Variants in PCYT1B observed in about 807,000 individuals in gnomAD.
PCYT1B encodes phosphate cytidylyltransferase 1B, choline.
In PCYT1B, 10 loss-of-function variants were observed where a neutral mutation model predicts 26.4. The observed-to-expected ratio is 0.38, with a 90% CI of 0.23 to 0.64. PCYT1B has a LOEUF of 0.64. PCYT1B is among the 30% of genes least tolerant of loss of function. The pLI is 0.56. For synonymous variants in PCYT1B, 131 were observed against 108.4 expected, an observed-to-expected ratio of 1.21 and a Z score of -1.29; for missense variants, 161 against 292.7, an observed-to-expected ratio of 0.55 and a Z score of 3.28.
chrX:24,629,705 T>C (rs1926005606), intron 1 of PCYT1B, among the ~76,000 whole-genome samples: 1 of 109,831 alleles, frequency 9.1e-6, no homozygotes, highest in African/African-American at 3.3e-5. Flanking sequence ...TACTGCCCTT[T>C]TGGTGATCAG....
intron 1 of PCYT1B, among the ~76,000 whole-genome samples, chrX:24,669,473 C>T (rs1476651437): frequency 2.1e-5 from 2 of 93,505 alleles, no homozygotes; most frequent in Non-Finnish European, 4.1e-5. Flanking sequence ...GCTCTCCAGC[C>T]TAGGTGACAG....
At chrX:24,648,449 A>ATTTTTTTTTTTTTTTTTTTTTTTTTTT (rs57744798), upstream of PCYT1B, among the ~76,000 whole-genome samples, 17 of 39,723 alleles carry the variant, frequency 4.3e-4, 3 homozygotes, top group African/African-American at 2.4e-3. Context: ...ATTTGAAGGA[A>ATTTTTTTTTTTTTTTTTTTTTTTTTTT]TTTTTTTTTT....
chrX:24,592,772 C>T (rs1414185356), intron 3 of PCYT1B, among the ~76,000 whole-genome samples: 1 of 111,858 alleles, frequency 8.9e-6, no homozygotes, highest in Non-Finnish European at 1.9e-5. Context: ...TGTATCCCAG[C>T]TCCCCGGCCT....
intron 1 of PCYT1B, among the ~76,000 whole-genome samples, chrX:24,661,664 A>C (rs1002586050): frequency 9.0e-6 from 1 of 111,729 alleles, no homozygotes; most frequent in East Asian, 2.8e-4. Flanking sequence ...TATAGAACAA[A>C]CCTTGTTTCT....
At chrX:24,562,720 CTTTT>C (rs1258893963) in intron 7 of PCYT1B, among the ~76,000 whole-genome samples, 1 of 81,026 alleles carries the variant, frequency 1.2e-5, no homozygotes, top group Non-Finnish European at 2.5e-5. Context: ...ACCACTGGTT[CTTTT>C]TTTCTCTTTT....
chrX:24,569,342 CG>C (rs1923744271), intron 7 of PCYT1B, among the ~76,000 whole-genome samples: 1 of 110,031 alleles, frequency 9.1e-6, no homozygotes, highest in Admixed American at 9.7e-5. Context: ...GTGCATTGCT[CG>C]TGGAAATGTA....
intron 1 of PCYT1B, among the ~76,000 whole-genome samples, chrX:24,629,591 C>CAA (rs1330878773): frequency 1.5e-5 from 1 of 67,108 alleles, no homozygotes; most frequent in Non-Finnish European, 2.6e-5. Context: ...AAAAAAAAAA[C>CAA]AACACGTATT....
chrX:24,579,501 A>G (rs368467392), intron 5 of PCYT1B, 43 bp from the exon 6 acceptor site: 96 of 1,140,469 alleles, frequency 8.4e-5, no homozygotes, highest in Non-Finnish European at 1.1e-4. Flanking sequence ...AATTAAGATC[A>G]CCTCAGTTGA....
At chrX:24,623,048 A>G (rs1925746660) in intron 1 of PCYT1B, among the ~76,000 whole-genome samples, 1 of 111,457 alleles carries the variant, frequency 9.0e-6, no homozygotes, top group Non-Finnish European at 1.9e-5. Flanking sequence ...CATGTTTAAT[A>G]TGATGCTAGG....
At chrX:24,633,087 G>A (rs1441332292) in intron 1 of PCYT1B, among the ~76,000 whole-genome samples, 2 of 107,316 alleles carry the variant, frequency 1.9e-5, no homozygotes, top group Non-Finnish European at 3.8e-5. Flanking sequence ...GCACGTGCCT[G>A]TAATCCCAGC....
intron 1 of PCYT1B, among the ~76,000 whole-genome samples, chrX:24,653,580 G>A (rs1926829269): frequency 9.0e-6 from 1 of 111,040 alleles, no homozygotes; most frequent in South Asian, 3.8e-4. Flanking sequence ...CTTGCCACAG[G>A]GCACCCTTTA....
chrX:24,639,389 C>T (rs61760935), intron 1 of PCYT1B, among the ~76,000 whole-genome samples: 1,372 of 112,468 alleles, frequency 0.012, 12 homozygotes, highest in Non-Finnish European at 0.018. Flanking sequence ...TTTGTCTTGA[C>T]AGCCCCCTGT....
intron 2 of PCYT1B, among the ~76,000 whole-genome samples, chrX:24,616,276 C>T (rs755413302): frequency 2.1e-4 from 19 of 92,175 alleles, no homozygotes; most frequent in Admixed American, 1.9e-3. Flanking sequence ...CTTGCGCTGT[C>T]GCCTAGGCTG....
chrX:24,624,190 T>G (rs190457770), intron 1 of PCYT1B, among the ~76,000 whole-genome samples: 34 of 110,185 alleles, frequency 3.1e-4, no homozygotes, highest in South Asian at 1.6e-3. Flanking sequence ...AGGATGGTCT[T>G]GATCTCCTGA....
chrX:24,613,773 T>G (rs1350303544), intron 2 of PCYT1B, among the ~76,000 whole-genome samples: 2 of 108,131 alleles, frequency 1.8e-5, no homozygotes, highest in Non-Finnish European at 3.8e-5. Flanking sequence ...GGCAGCATAG[T>G]GAAACCCCAT....
At chrX:24,607,895 G>A (rs1925187350) in intron 2 of PCYT1B, 34 bp from the exon 3 acceptor site, 1 of 786,343 alleles carries the variant, frequency 1.3e-6, no homozygotes. Context: ...TAACAGAACT[G>A]CAGAATGAGG....
chrX:24,578,151 T>C (rs1187648663), intron 6 of PCYT1B, among the ~76,000 whole-genome samples: 2 of 111,484 alleles, frequency 1.8e-5, no homozygotes, highest in African/African-American at 3.3e-5. Context: ...TGGAATACTA[T>C]GCATACATAA....
At chrX:24,587,408 C>T (rs1340670969) in intron 4 of PCYT1B, 89 bp from the exon 5 acceptor site, 4 of 580,328 alleles carry the variant, frequency 6.9e-6, no homozygotes, top group Non-Finnish European at 8.9e-6. Flanking sequence ...TTCATAATGC[C>T]TTTTCAAAAT....
chrX:24,591,045 G>A (rs976734534), intron 3 of PCYT1B, among the ~76,000 whole-genome samples: 4 of 110,141 alleles, frequency 3.6e-5, no homozygotes, highest in African/African-American at 1.3e-4. Flanking sequence ...CACCCACCTC[G>A]GGCTCCCAAA....
Sources: gnomAD v4.1 joint callset for allele counts (sites outside exome capture counted in the v4.1 genomes callset) on GRCh38, gnomAD v4.1.1 for gene constraint, MANE v1.5 for transcripts, NCBI Gene and HGNC (gene_info 2026-07-23, HGNC 2026-07-21) for gene names.